USP28: variants seen among roughly 807,000 people sequenced by gnomAD.
USP28 encodes the protein ubiquitin specific peptidase 28, also known as ubiquitin carboxyl-terminal hydrolase 28.
USP28 carries 113 observed loss-of-function variants against 145.0 expected under a neutral mutation model. The observed-to-expected ratio is 0.78, with a 90% CI of 0.67 to 0.91. The LOEUF is 0.91. Among genes scored for constraint, USP28 ranks in the 40% least tolerant of loss-of-function variants. The pLI is 0.00. For missense variants in USP28, 1,201 were observed against 1,289.6 expected (o/e 0.93, Z 1.05); for synonymous variants, 447 against 450.9 (o/e 0.99, Z 0.11).
intron 17 of USP28, 146 bp downstream of exon 17, chr11:113,808,917 T>C: frequency 4.1e-6 from 3 of 723,030 alleles, no homozygotes; most frequent in East Asian, 2.6e-5. Context: ...ATTCATTCCA[T>C]CAGGTTGTAC....
exon 17 of USP28, chr11:113,809,081 C>T: frequency 6.2e-7 from 1 of 1,613,988 alleles, no homozygotes; most frequent in Non-Finnish European, 8.5e-7. Context: ...GTAGAGTAGT[C>T]CTGTGATGAG....
chr11:113,809,010 G>A (rs995806933), intron 17 of USP28, 53 bp downstream of exon 17: 207 of 1,568,212 alleles, frequency 1.3e-4, no homozygotes, highest in Non-Finnish European at 1.7e-4. Flanking sequence ...CTGGCTAGGG[G>A]AGTACAGCAT....
exon 19 of USP28, chr11:113,806,576 C>T (rs760378489): frequency 6.3e-7 from 1 of 1,575,556 alleles, no homozygotes; most frequent in Admixed American, 1.9e-5. Flanking sequence ...TGGCAGGGCT[C>T]AGCATCACCT....
exon 13 of USP28, chr11:113,817,706 G>A: frequency 6.2e-7 from 1 of 1,614,178 alleles, no homozygotes; most frequent in Non-Finnish European, 8.5e-7. Context: ...TGAAGAAAGT[G>A]GTAATGTCAT....
intron 12 of USP28, chr11:113,821,083 G>A: frequency 4.1e-6 from 1 of 243,362 alleles, no homozygotes; most frequent in Non-Finnish European, 8.9e-6. Context: ...TGTCACTGGT[G>A]AGGGACTTGG....
Position 113,805,053 on chromosome 11 carries a change from A to T in USP28, c.2401-7T>A, listed in dbSNP as rs376755690. On this transcript the variant is annotated splice_polypyrimidine_tract_variant and splice_region_variant and intron_variant, in intron 19 of 24. Coordinates refer to ENST00000003302, the Ensembl canonical transcript of USP28. The stretch of plus-strand genomic sequence containing the variant: ...AGTATTCTTCATGGAATGCCTATTA[A>T]GGGCAGAATCAATGGTTAGAAAATA... 15 of 1,611,726 alleles carry T rather than the reference A, an allele frequency of 9.3e-6. No individual in the cohort carries two copies. The highest frequency in any genetic ancestry group is 1.1e-5 in the Non-Finnish European group (13 of 1,179,710).
intron 1 of USP28, 92 bp from the exon 2 acceptor site, chr11:113,854,427 C>T: frequency 7.9e-7 from 1 of 1,263,528 alleles, no homozygotes; most frequent in Non-Finnish European, 1.1e-6. Flanking sequence ...CTTGGATAAA[C>T]AGGCCTGAGG....
At chr11:113,844,266 C>CCAT (rs1945557728) in intron 3 of USP28, among the ~76,000 whole-genome samples, 2 of 151,816 alleles carry the variant, frequency 1.3e-5, no homozygotes, top group South Asian at 4.2e-4. Flanking sequence ...TAGTAAAACC[C>CCAT]CATCTCTAAT....
rs1395304116 is a variant in USP28, at chr11:113,864,017, T to C, written c.58-9682A>G. Among the ~76,000 whole-genome samples the C allele has an allele frequency of 2.0e-5, 3 of 149,986 alleles. No homozygotes were observed. In the East Asian group the frequency reaches 6.0e-4, roughly 30 times the overall value. Reference sequence around the variant, plus strand: ...ACTTTGGGAAGCTGAGGCGGATGGATCACCTGAGGTCAGGAGTTTGAGACC... The same window carrying C: ...ACTTTGGGAAGCTGAGGCGGATGGACCACCTGAGGTCAGGAGTTTGAGACC... On this transcript the variant is annotated intron_variant, in intron 1 of 24. Transcript: ENST00000003302.
intron 3 of USP28, among the ~76,000 whole-genome samples, chr11:113,843,545 C>T (rs1377926797): frequency 6.6e-6 from 1 of 151,440 alleles, no homozygotes; most frequent in Non-Finnish European, 1.5e-5. Flanking sequence ...GTGGTGTATG[C>T]CTGTAATCCC....
chr11:113,856,531 A>T (rs1169226415), intron 1 of USP28, among the ~76,000 whole-genome samples: 1 of 152,202 alleles, frequency 6.6e-6, no homozygotes, highest in Non-Finnish European at 1.5e-5. Context: ...GACCTATGAC[A>T]TAGGTATTAC....
At position 113,830,907 on chromosome 11, in the gene USP28, C is replaced by G. The variant is rs770767271; in HGVS notation, c.870G>C (p.Gln290His). The G allele has an allele frequency of 4.3e-6, 7 of 1,614,080 alleles. No homozygotes were observed. The African/African-American group carries it at 9.3e-5, about 22-fold the overall frequency. ...CAGTCAGGAAAGTACCATAGAACAG[C>G]TGCACCATTGGATTTTCAGATTTGT... Residue 290 changes from glutamine (Q) to histidine (H), a missense_variant, in exon 9 of 25, where the codon CAG (glutamine) becomes CAC (histidine). Coordinates refer to ENST00000003302, the Ensembl canonical transcript of USP28.
intron 1 of USP28, among the ~76,000 whole-genome samples, chr11:113,862,451 T>C (rs1947793709): frequency 6.6e-6 from 1 of 152,164 alleles, no homozygotes; most frequent in African/African-American, 2.4e-5. Context: ...CAATGGATAA[T>C]CACTGCAGGC....
At chr11:113,837,807 G>C (rs188382038) in intron 5 of USP28, among the ~76,000 whole-genome samples, 1 of 152,130 alleles carries the variant, frequency 6.6e-6, no homozygotes, top group East Asian at 1.9e-4. Context: ...GAACATTTTC[G>C]TATCACCACA....
chr11:113,843,780 T>C (rs1472589817), intron 3 of USP28, among the ~76,000 whole-genome samples: 1 of 151,660 alleles, frequency 6.6e-6, no homozygotes, highest in Non-Finnish European at 1.5e-5. Context: ...AGGAGACATA[T>C]ACATCAATGG....
At chr11:113,807,899 A>G in intron 18 of USP28, 52 bp downstream of exon 19, 1 of 985,756 alleles carries the variant, frequency 1.0e-6, no homozygotes, top group African/African-American at 1.7e-5. Flanking sequence ...TCACAAGAGA[A>G]GGAAATATAA....
chr11:113,801,209 A>G (rs1938954031), intron 24 of USP28, among the ~76,000 whole-genome samples: 1 of 152,168 alleles, frequency 6.6e-6, no homozygotes, highest in African/African-American at 2.4e-5. Context: ...TGGAAGTCTG[A>G]CATTCCTGGA....
chr11:113,814,186 A>C (rs951901180), intron 14 of USP28, among the ~76,000 whole-genome samples: 2 of 152,198 alleles, frequency 1.3e-5, no homozygotes, highest in Non-Finnish European at 2.9e-5. Context: ...TAATTGCCAA[A>C]ATTTCTTAAA....
chr11:113,852,091 C>T (rs982793105), intron 3 of USP28, among the ~76,000 whole-genome samples: 1 of 152,090 alleles, frequency 6.6e-6, no homozygotes, highest in Non-Finnish European at 1.5e-5. Context: ...AGCAGTGGTG[C>T]GATCTCAGTT....
Sources: allele counts gnomAD v4.1 joint callset (sites outside exome capture counted in the v4.1 genomes callset), GRCh38; gene constraint gnomAD v4.1.1; transcripts MANE v1.5; gene names NCBI Gene and HGNC (gene_info 2026-07-23, HGNC 2026-07-21).